The following COL6A5 variants were observed in gnomAD, a reference collection of about 807,000 sequenced individuals.
The protein encoded by COL6A5 is collagen alpha-5(VI) chain.
A neutral mutation model predicts 65.6 loss-of-function variants in COL6A5; 48 were observed. The observed-to-expected ratio is 0.73, with a 90% confidence interval of 0.58 to 0.93. The LOEUF is 0.93. Ranked by LOEUF, COL6A5 falls within the 40% of genes least tolerant of loss-of-function variation. The probability of loss-of-function intolerance (pLI) is 0.00; values close to 1 mark genes in which losing one functional copy is unlikely to be tolerated. For synonymous variants in COL6A5, 291 were observed against 322.8 expected (o/e 0.90, Z 1.05); for missense variants, 914 against 928.3 (o/e 0.98, Z 0.20).
chr3:130,384,361 T>C (rs1936106835), intron 4 of COL6A5, among the ~76,000 whole-genome samples: 1 of 152,038 alleles, frequency 6.6e-6, no homozygotes, highest in Admixed American at 6.6e-5. Flanking sequence ...GATAATATGA[T>C]CTAAGTTTAT....
At chr3:130,460,603 G>A (rs191234429) in intron 5 of COL6A5, among the ~76,000 whole-genome samples, 1 of 152,244 alleles carries the variant, frequency 6.6e-6, no homozygotes, top group Admixed American at 6.5e-5. Context: ...GAAGTATTAA[G>A]TAGGTGACAA....
intron 29 of COL6A5, among the ~76,000 whole-genome samples, chr3:130,425,049 CTG>C (rs771170619): frequency 1.2e-4 from 18 of 152,158 alleles, no homozygotes; most frequent in Non-Finnish European, 2.1e-4. Flanking sequence ...ACTGTCTACT[CTG>C]TGTATTAGCC....
chr3:130,456,759 T>A (rs1709582764), intron 5 of COL6A5, among the ~76,000 whole-genome samples: 1 of 152,122 alleles, frequency 6.6e-6, no homozygotes, highest in South Asian at 2.1e-4. Flanking sequence ...TTAGAGTACA[T>A]AAGTATAAGA....
chr3:130,349,950 A>G (rs916745827), intron 1 of COL6A5, among the ~76,000 whole-genome samples: 2 of 152,238 alleles, frequency 1.3e-5, no homozygotes, highest in Non-Finnish European at 2.9e-5. Flanking sequence ...TATGGTCCCA[A>G]GATGGCAGTT....
chr3:130,412,170 A>G (rs1300285294), intron 20 of COL6A5, among the ~76,000 whole-genome samples: 1 of 152,204 alleles, frequency 6.6e-6, no homozygotes, highest in African/African-American at 2.4e-5. Context: ...CACAAAGAAT[A>G]CTTCTATAGC....
intron 23 of COL6A5, 59 bp downstream of exon 23, chr3:130,415,766 CA>C: frequency 1.3e-5 from 18 of 1,345,574 alleles, no homozygotes; most frequent in South Asian, 9.6e-5. Flanking sequence ...CCTCTTAGTG[CA>C]AAAAAATCTT....
In COL6A5 at chr3:130,415,725, A is replaced by AT. The variant is rs1275555321; in HGVS notation, c.4824+20dup. ...GACCTCAGGTGAGTGACTCGGAGAC[A>AT]TTAGGCTCAATGACTCTCAACAGTT... On this transcript the variant is annotated intron_variant and NMD_transcript_variant, in intron 23 of 41. Coordinates refer to the COL6A5 transcript ENST00000312481. The AT allele has an allele frequency of 1.6e-5, 24 of 1,528,910 alleles. No individual in the cohort carries two copies. Among genetic ancestry groups the AT allele is most frequent in the Non-Finnish European group, 2.1e-5 (24 of 1,134,284 alleles). The allele number at this position is 1,528,910 out of a possible 1,614,324, so 94.7% of individuals were successfully genotyped here. A position where few individuals can be genotyped will look rare whatever the true frequency, so the allele number is the denominator to read the frequency against.
chr3:130,402,989 C>T (rs1041990798), intron 12 of COL6A5, among the ~76,000 whole-genome samples: 2 of 152,116 alleles, frequency 1.3e-5, no homozygotes, highest in African/African-American at 4.8e-5. Context: ...GCACAATTTT[C>T]TCTCGATACT....
At chr3:130,399,584 G>T (rs925316186) in intron 10 of COL6A5, among the ~76,000 whole-genome samples, 1 of 151,744 alleles carries the variant, frequency 6.6e-6, no homozygotes, top group African/African-American at 2.4e-5. Context: ...TGTTAGCCAG[G>T]ATGGCCTGGA....
chr3:130,412,590 G>C (rs1017930016), intron 20 of COL6A5, among the ~76,000 whole-genome samples: 26 of 152,146 alleles, frequency 1.7e-4, no homozygotes, highest in African/African-American at 6.0e-4. Flanking sequence ...AGGAACCGAG[G>C]CCTCAATCTT....
intron 1 of COL6A5, among the ~76,000 whole-genome samples, chr3:130,354,352 G>A (rs1310768259): frequency 6.6e-6 from 1 of 152,106 alleles, no homozygotes; most frequent in Non-Finnish European, 1.5e-5. Flanking sequence ...TGTGGCTTGT[G>A]TTATATTTCT....
At chr3:130,376,445 C>A in exon 3 of COL6A5, 5 of 1,612,414 alleles carry the variant, frequency 3.1e-6, no homozygotes, top group Non-Finnish European at 4.2e-6. Flanking sequence ...GCAGAAGCCC[C>A]ATGCTGAACC....
chr3:130,403,206 T>G (rs1484798369), intron 12 of COL6A5, among the ~76,000 whole-genome samples: 1 of 152,226 alleles, frequency 6.6e-6, no homozygotes, highest in Non-Finnish European at 1.5e-5. Context: ...TGGAAGTGGT[T>G]ATTCTTCCTT....
intron 12 of COL6A5, among the ~76,000 whole-genome samples, chr3:130,403,246 A>G (rs1936873049): frequency 6.6e-6 from 1 of 152,234 alleles, no homozygotes; most frequent in South Asian, 2.1e-4. Flanking sequence ...ACAAAATAAA[A>G]TAATACCTTT....
chr3:130,398,163 G>A, intron 10 of COL6A5, 52 bp downstream of exon 10: 1 of 1,201,894 alleles, frequency 8.3e-7, no homozygotes, highest in Non-Finnish European at 1.2e-6. Context: ...TGGAGTGTCA[G>A]TCTGTCACCC....
At chr3:130,349,517 T>G (rs771537717) in intron 1 of COL6A5, among the ~76,000 whole-genome samples, 2 of 152,212 alleles carry the variant, frequency 1.3e-5, no homozygotes, top group Non-Finnish European at 2.9e-5. Context: ...GCTAATCACC[T>G]AGGGCAGTCT....
chr3:130,443,107 T>G (rs373988291), intron 3 of COL6A5, among the ~76,000 whole-genome samples: 3 of 152,180 alleles, frequency 2.0e-5, no homozygotes, highest in African/African-American at 7.2e-5. Flanking sequence ...CATTACCTTG[T>G]CTCTGTTTGA....
At chr3:130,471,954 A>G (rs561344246) in intron 7 of COL6A5, 28 bp downstream of exon 40, 2 of 1,520,418 alleles carry the variant, frequency 1.3e-6, no homozygotes, top group African/African-American at 2.8e-5. Context: ...AGAGCTGAAG[A>G]CCCTCAAGTA....
At chr3:130,476,584 C>CTTTTG (rs1208832383) in intron 7 of COL6A5, among the ~76,000 whole-genome samples, 28 of 151,972 alleles carry the variant, frequency 1.8e-4, no homozygotes, top group African/African-American at 6.3e-4. Context: ...GGCATCAGTT[C>CTTTTG]TTTTGTTTTG....
Sources: gnomAD v4.1 joint callset for allele counts (sites outside exome capture counted in the v4.1 genomes callset) on GRCh38, gnomAD v4.1.1 for gene constraint, MANE v1.5 for transcripts, NCBI Gene and HGNC (gene_info 2026-07-23, HGNC 2026-07-21) for gene names.